PIGS: variants seen among roughly 807,000 people sequenced by gnomAD.
The protein encoded by PIGS is phosphatidylinositol glycan anchor biosynthesis class S.
In PIGS, 37 loss-of-function variants were observed where a neutral mutation model predicts 58.2. The observed-to-expected ratio is 0.64, with a 90% confidence interval of 0.49 to 0.84. PIGS has a LOEUF of 0.84. Among genes scored for constraint, PIGS ranks in the 40% least tolerant of loss-of-function variants. PIGS has a pLI of 0.00. For synonymous variants in PIGS, 269 were observed against 289.2 expected (o/e 0.93, Z 0.71); for missense variants, 629 against 710.8 (o/e 0.88, Z 1.31).
Position 28,571,112 on chromosome 17 carries a change from C to G in PIGS, c.111G>C (p.Lys37Asn). ...AIVLGLPLWWKTTETYRASLP... is the reference protein window; with the variant it reads ...AIVLGLPLWWNTTETYRASLP... ...ACGAGGCCCGGTAGGTCTCCGTGGT[C>G]TTCCACCAGAGCGGTAGCCCCAGCA... Residue 37 changes from lysine (K) to asparagine (N), a missense_variant, in exon 2 of 12, where the codon AAG becomes AAC. By Grantham distance (94) the Lys-to-Asn change is moderately conservative (BLOSUM62 0). Transcript: ENST00000308360. The G allele has an allele frequency of 1.2e-6, 2 of 1,614,058 alleles. No homozygotes were observed. The highest frequency in any genetic ancestry group is 1.7e-6 in the Non-Finnish European group (2 of 1,180,040).
At chr17:28,559,453 T>C (rs559877132) in intron 7 of PIGS, among the ~76,000 whole-genome samples, 73 of 150,348 alleles carry the variant, frequency 4.9e-4, no homozygotes, top group African/African-American at 1.5e-3. Flanking sequence ...GCCAACGTGG[T>C]GAAACCCCAT....
intron 8 of PIGS, chr17:28,557,257 T>G (rs1337915466): frequency 2.5e-6 from 1 of 400,196 alleles, no homozygotes; most frequent in East Asian, 5.8e-5. Context: ...ACTCCCACAA[T>G]GTACCCATAT....
intron 5 of PIGS, chr17:28,561,928 C>T (rs149973957): frequency 2.2e-4 from 64 of 297,582 alleles, no homozygotes; most frequent in African/African-American, 1.3e-3. Flanking sequence ...GCAAGAAAAG[C>T]GGAATAAACA....
In PIGS at chr17:28,561,968, C is replaced by T. The variant is rs148909831; in HGVS notation, c.469-339G>A. Among the ~76,000 whole-genome samples the T allele has an allele frequency of 1.8e-3, 277 of 152,246 alleles. 2 individuals are homozygous for T. Among genetic ancestry groups the T allele is most frequent in the African/African-American group, 5.8e-3 (242 of 41,554 alleles). On this transcript the variant is annotated intron_variant, in intron 5 of 11. Coordinates refer to ENST00000308360, the MANE Select transcript of PIGS (RefSeq NM_033198.4). The stretch of plus-strand genomic sequence containing the variant: ...ACTGGAGAGTCTGATATAAAAATGG[C>T]ACATGGCAAAGAAACAAGTATTCAT...
intron 6 of PIGS, 133 bp from the exon 7 acceptor site, chr17:28,560,324 G>A (rs966851599): frequency 3.6e-6 from 4 of 1,113,386 alleles, no homozygotes; most frequent in Non-Finnish European, 5.1e-6. Context: ...CCAAAAGGAG[G>A]ACAAAACTGG....
chr17:28,561,269 TAAAAA>T (rs1191491098), intron 6 of PIGS, among the ~76,000 whole-genome samples, 148 bp downstream of exon 6: 1 of 150,332 alleles, frequency 6.7e-6, no homozygotes, highest in African/African-American at 2.4e-5. Flanking sequence ...AATAAATAAC[TAAAAA>T]AAATAATAAT....
intron 3 of PIGS, among the ~76,000 whole-genome samples, chr17:28,570,073 ATC>A (rs764939232): frequency 7.2e-5 from 11 of 152,094 alleles, no homozygotes; most frequent in Admixed American, 2.0e-4. Flanking sequence ...ACTAAGTGCA[ATC>A]TCTGTTTCTT....
intron 8 of PIGS, 97 bp from the exon 9 acceptor site, chr17:28,557,069 G>T: frequency 7.6e-7 from 1 of 1,308,856 alleles, no homozygotes; most frequent in Non-Finnish European, 1.1e-6. Context: ...CTCTGGGACT[G>T]ATTCCCCAAC....
chr17:28,571,323 C>T (rs1312746195), intron 1 of PIGS, 135 bp from the exon 2 acceptor site: 2 of 1,517,060 alleles, frequency 1.3e-6, no homozygotes, highest in Non-Finnish European at 1.8e-6. Context: ...GGGACCCGGC[C>T]CAAGCCTGAA....
chr17:28,555,097 G>A, intron 10 of PIGS, 36 bp from the exon 11 acceptor site: 1 of 1,549,670 alleles, frequency 6.5e-7, no homozygotes, highest in Non-Finnish European at 8.8e-7. Context: ...AGGTGGCTGA[G>A]ACCACAAGGC....
chr17:28,558,689 A>T, intron 7 of PIGS, 99 bp from the exon 8 acceptor site: 1 of 927,398 alleles, frequency 1.1e-6, no homozygotes, highest in Non-Finnish European at 1.7e-6. Flanking sequence ...AATCAGGACA[A>T]GGCAACATAT....
intron 7 of PIGS, 99 bp downstream of exon 7, chr17:28,559,950 C>T: frequency 7.0e-7 from 1 of 1,438,152 alleles, no homozygotes; most frequent in Non-Finnish European, 9.3e-7. Flanking sequence ...ACAGGAAATT[C>T]CTAGCAAATC....
chr17:28,559,767 G>A (rs974730277), intron 7 of PIGS, among the ~76,000 whole-genome samples: 12 of 151,652 alleles, frequency 7.9e-5, no homozygotes, highest in Admixed American at 5.3e-4. Flanking sequence ...GTGAGTACAG[G>A]TCTAGAGGGA....
chr17:28,560,158 T>G lies in PIGS; in HGVS notation c.710A>C (p.Asp237Ala), dbSNP rs773298524. The G allele has an allele frequency of 6.2e-7, 1 of 1,611,998 alleles. No individual in the cohort carries two copies. The change falls in exon 7 of 12, where the codon GAC (aspartate) becomes GCC (alanine). Residue 237 changes from aspartate to alanine, a missense_variant. Coordinates refer to ENST00000308360, the MANE Select transcript of PIGS (RefSeq NM_033198.4). ...YEITFSLLNP[D>A]PKSHDVYWDI... ...CCAGTAGACATCATGGGACTTGGGG[T>G]CTGGGTTGAGTAAACTGAAGGTGAT...
Position 28,554,122 on chromosome 17 carries a change from A to AT in PIGS, c.*97dup. 6.8e-7 allele frequency: 1 copy of AT among 1,473,108 alleles called. No homozygotes were observed. The highest frequency in any genetic ancestry group is 1.3e-5 in the South Asian group (1 of 76,564). 91.3% of individuals were successfully genotyped at this position (1,473,108 alleles called of 1,614,324 possible). A position where few individuals can be genotyped will look rare whatever the true frequency, so the allele number is the denominator to read the frequency against. On this transcript the variant is annotated 3_prime_UTR_variant, in exon 12 of 12. Coordinates refer to ENST00000308360, the MANE Select transcript of PIGS (RefSeq NM_033198.4). ...CCAACAGTGGAGACTGGAGACAAAT[A>AT]TTTAAGTCATTCCGGCAGGCCCCAT...
At chr17:28,571,432 C>T (rs766196077) in intron 1 of PIGS, 31 bp downstream of exon 1, 1 of 1,607,966 alleles carries the variant, frequency 6.2e-7, no homozygotes, top group Non-Finnish European at 8.5e-7. Flanking sequence ...CATCAGCTAG[C>T]TGCAGGCCCC....
intron 10 of PIGS, chr17:28,555,428 G>A: frequency 4.1e-6 from 1 of 245,600 alleles, no homozygotes; most frequent in Non-Finnish European, 7.9e-6. Flanking sequence ...ATTAAGGGAT[G>A]ATCCAGGACT....
intron 10 of PIGS, 86 bp from the exon 11 acceptor site, chr17:28,555,147 G>C: frequency 3.1e-6 from 4 of 1,293,106 alleles, no homozygotes; most frequent in Non-Finnish European, 4.3e-6. Flanking sequence ...TCTGTCCTGA[G>C]CCAGTGATTT....
chr17:28,570,705 T>C, intron 3 of PIGS, 147 bp downstream of exon 3: 1 of 752,268 alleles, frequency 1.3e-6, no homozygotes, highest in Non-Finnish European at 2.2e-6. Context: ...GAAAGTAGTT[T>C]TTTTCTGACC....
Sources: allele counts gnomAD v4.1 joint callset (sites outside exome capture counted in the v4.1 genomes callset), GRCh38; gene constraint gnomAD v4.1.1; transcripts MANE v1.5; gene names NCBI Gene and HGNC (gene_info 2026-07-23, HGNC 2026-07-21).